ARID4B: variants seen among roughly 807,000 people sequenced by gnomAD.
ARID4B encodes AT-rich interactive domain-containing protein 4B.
A neutral mutation model predicts 147.5 loss-of-function variants in ARID4B; 26 were observed. The ratio of observed to expected loss-of-function variants is 0.18; its 90% CI spans 0.13 to 0.24. The LOEUF is 0.24. ARID4B is among the 10% of genes least tolerant of loss of function. ARID4B has a pLI of 1.00. For synonymous variants in ARID4B, 512 were observed against 507.9 expected, an observed-to-expected ratio of 1.01 and a Z score of -0.11; for missense variants, 1,179 against 1,511.5, an observed-to-expected ratio of 0.78 and a Z score of 3.65.
At chr1:235,223,870 C>A (rs946875762) in intron 12 of ARID4B, among the ~76,000 whole-genome samples, 6 of 151,884 alleles carry the variant, frequency 4.0e-5, no homozygotes, top group Non-Finnish European at 7.4e-5. Flanking sequence ...AGATTTTATT[C>A]ATTTTCTTTG....
chr1:235,319,998 A>C (rs1674710054), intron 2 of ARID4B, among the ~76,000 whole-genome samples: 1 of 151,970 alleles, frequency 6.6e-6, no homozygotes, highest in Non-Finnish European at 1.5e-5. Context: ...ATGGTGGCAC[A>C]TGCCTGTAGT....
At chr1:235,298,737 C>T (rs1441210445) in intron 2 of ARID4B, among the ~76,000 whole-genome samples, 20 of 151,992 alleles carry the variant, frequency 1.3e-4, no homozygotes, top group Non-Finnish European at 2.6e-4. Flanking sequence ...CTTCATTTTA[C>T]TTAATTAGAA....
intron 16 of ARID4B, among the ~76,000 whole-genome samples, chr1:235,216,152 A>C (rs1327209835): frequency 2.0e-5 from 3 of 152,068 alleles, no homozygotes; most frequent in Admixed American, 6.6e-5. Context: ...GAAAGTATCA[A>C]ATATATCAAT....
intron 19 of ARID4B, among the ~76,000 whole-genome samples, chr1:235,183,370 G>T (rs568083593): frequency 6.6e-6 from 1 of 151,902 alleles, no homozygotes; most frequent in Non-Finnish European, 1.5e-5. Flanking sequence ...CACCACGCCC[G>T]GCTAATTTTT....
chr1:235,217,954 T>A (rs1278379895), intron 16 of ARID4B, among the ~76,000 whole-genome samples: 1 of 152,132 alleles, frequency 6.6e-6, no homozygotes, highest in Non-Finnish European at 1.5e-5. Flanking sequence ...CATACATACC[T>A]CTGATAAAGT....
In ARID4B at chr1:235,214,030, G is replaced by A; in HGVS notation, c.1584-4C>T. The A allele has an allele frequency of 6.3e-7, 1 of 1,597,144 alleles. No homozygotes were observed. Among genetic ancestry groups the A allele is most frequent in the Non-Finnish European group, 8.5e-7 (1 of 1,170,294 alleles). On this transcript the variant is annotated splice_region_variant and splice_polypyrimidine_tract_variant and intron_variant, in intron 16 of 23. Coordinates refer to ENST00000264183, the MANE Select transcript of ARID4B (RefSeq NM_016374.6). ...TTCTTCTTTATTCGTTTCATCTCTTGAAAGGTTTAAAAAATTGCAGAGTTA... is the reference window on the plus strand; with the variant it reads ...TTCTTCTTTATTCGTTTCATCTCTTAAAAGGTTTAAAAAATTGCAGAGTTA...
intron 8 of ARID4B, among the ~76,000 whole-genome samples, chr1:235,237,745 C>T (rs1295410064): frequency 2.0e-5 from 3 of 152,144 alleles, no homozygotes; most frequent in Non-Finnish European, 4.4e-5. Context: ...AAACAAAGGA[C>T]AGTGTTTTAA....
At chr1:235,253,551 T>G (rs1669771193) in intron 5 of ARID4B, among the ~76,000 whole-genome samples, 1 of 152,206 alleles carries the variant, frequency 6.6e-6, no homozygotes, top group Non-Finnish European at 1.5e-5. Flanking sequence ...TCACAATATA[T>G]TTGCCTATCA....
intron 21 of ARID4B, chr1:235,175,661 T>C: frequency 2.5e-6 from 1 of 401,850 alleles, no homozygotes; most frequent in Non-Finnish European, 4.5e-6. Context: ...GACTGTCAAA[T>C]ATACAGTAAT....
chr1:235,173,774 ATATATATATATATATATAT>A (rs1663609137), intron 22 of ARID4B, among the ~76,000 whole-genome samples: 5 of 21,030 alleles, frequency 2.4e-4, no homozygotes, highest in Non-Finnish European at 4.0e-4. Flanking sequence ...AAAAAAAAAT[ATATATATATATATATATAT>A]ATATATATAT....
rs1330638793 is a variant in ARID4B, at chr1:235,224,770, T to G, written c.903A>C (p.Glu301Asp). 1 of 1,580,892 alleles carries G rather than the reference T, an allele frequency of 6.3e-7. No homozygotes were observed. Among genetic ancestry groups the G allele is most frequent in the Non-Finnish European group, 8.7e-7 (1 of 1,155,622 alleles). Residue 301 changes from glutamate (E) to aspartate (D), a missense_variant, in exon 12 of 24, where the codon GAA (glutamate) becomes GAC (aspartate). Glu to Asp is a conservative substitution (Grantham distance 45). Around this residue, in one of 10 missense-constraint regions of ARID4B, gnomAD observed 159 missense variants for 190.5 expected, o/e 0.83. Coordinates refer to ENST00000264183, the MANE Select transcript of ARID4B (RefSeq NM_016374.6). ...KEDNSSEEEE[E>D]IEPFPEEREN... ...CCCTTTCTTCTGGAAATGGTTCTAT[T>G]TCTTCCTAATTTTAATCACAGAAGA...
intron 2 of ARID4B, among the ~76,000 whole-genome samples, chr1:235,311,955 A>G (rs1385940259): frequency 6.6e-6 from 1 of 152,184 alleles, no homozygotes; most frequent in African/African-American, 2.4e-5. Flanking sequence ...AAGAAGAATG[A>G]CACAGACTTG....
Position 235,182,016 on chromosome 1 carries a change from G to A in ARID4B, c.2903C>T (p.Ser968Leu). The A allele has an allele frequency of 1.2e-6, 2 of 1,614,152 alleles. No individual in the cohort carries two copies. The highest frequency in any genetic ancestry group is 1.1e-5 in the South Asian group (1 of 91,078). ...CTCCTCTTCAGCCACAGTCTGCAGT[G>A]ACTCCTCTGCCACCCCCTCCTCTGG... ...PAPEEGVAEE[S>L]LQTVAEEESC... Residue 968 changes from serine to leucine, a missense_variant, in exon 20 of 24, where the codon TCA becomes TTA. This residue lies in a region of ARID4B where 357 missense variants were observed against 427.3 expected (regional missense o/e 0.84). Coordinates refer to ENST00000264183, the MANE Select transcript of ARID4B (RefSeq NM_016374.6).
chr1:235,255,355 T>C (rs10218725), intron 5 of ARID4B, among the ~76,000 whole-genome samples: 5,991 of 151,090 alleles, frequency 0.04, 453 homozygotes, highest in African/African-American at 0.14. Flanking sequence ...TTAACATTAC[T>C]GAACTATAAA....
At chr1:235,220,080 T>A (rs545403544) in intron 15 of ARID4B, 112 bp from the exon 16 acceptor site, 2 of 827,706 alleles carry the variant, frequency 2.4e-6, no homozygotes, top group African/African-American at 1.8e-5. Context: ...TTAAAAGTTA[T>A]AAATTACTTT....
At chr1:235,322,709 G>A (rs867044117) in intron 2 of ARID4B, among the ~76,000 whole-genome samples, 6 of 152,262 alleles carry the variant, frequency 3.9e-5, no homozygotes, top group South Asian at 2.1e-4. Context: ...CCTGAAAGCA[G>A]GTCAGATGCC....
intron 2 of ARID4B, among the ~76,000 whole-genome samples, chr1:235,287,309 C>T (rs915748511): frequency 1.1e-4 from 17 of 151,802 alleles, no homozygotes; most frequent in African/African-American, 3.9e-4. Flanking sequence ...CTGCTGACTT[C>T]TATTTCAGAA....
intron 2 of ARID4B, among the ~76,000 whole-genome samples, chr1:235,298,623 C>T (rs1184054303): frequency 1.3e-5 from 2 of 150,022 alleles, no homozygotes; most frequent in Non-Finnish European, 3.0e-5. Flanking sequence ...ATGAAAATGA[C>T]TATCTGCATT....
At chr1:235,276,844 C>CA (rs1242275931) in intron 2 of ARID4B, among the ~76,000 whole-genome samples, 1 of 151,590 alleles carries the variant, frequency 6.6e-6, no homozygotes, top group Non-Finnish European at 1.5e-5. Context: ...ACTAAAAATA[C>CA]AAAAAATTAG....
Sources: allele counts gnomAD v4.1 joint callset (sites outside exome capture counted in the v4.1 genomes callset), GRCh38; gene constraint gnomAD v4.1.1; regional missense constraint gnomAD v4.1.1; transcripts MANE v1.5; gene names NCBI Gene and HGNC (gene_info 2026-07-23, HGNC 2026-07-21).